REEP1: variants seen among roughly 807,000 people sequenced by gnomAD.
REEP1 encodes receptor expression-enhancing protein 1.
Under a neutral mutation model 40.3 loss-of-function variants are expected in REEP1, and 22 were observed. That is an observed-to-expected ratio of 0.55 (90% confidence interval 0.39 to 0.78). The LOEUF is 0.78. Among genes scored for constraint, REEP1 ranks in the 30% least tolerant of loss-of-function variants. The pLI is 0.00. For synonymous variants in REEP1, 116 were observed against 139.2 expected (o/e 0.83, Z 1.17); for missense variants, 280 against 361.1 (o/e 0.78, Z 1.82).
chr2:86,252,421 G>A (rs1014174834), intron 4 of REEP1, among the ~76,000 whole-genome samples: 1 of 152,176 alleles, frequency 6.6e-6, no homozygotes, highest in Non-Finnish European at 1.5e-5. Flanking sequence ...CCAGGGTGGA[G>A]AGAGTGCCCA....
At chr2:86,256,434 GC>G (rs1170824969) in intron 3 of REEP1, among the ~76,000 whole-genome samples, 2 of 151,024 alleles carry the variant, frequency 1.3e-5, no homozygotes, top group African/African-American at 4.9e-5. Flanking sequence ...TCCAGCCACT[GC>G]CTCTGATGGA....
At chr2:86,258,733 T>G (rs147740360) in intron 3 of REEP1, among the ~76,000 whole-genome samples, 1 of 152,194 alleles carries the variant, frequency 6.6e-6, no homozygotes, top group Non-Finnish European at 1.5e-5. Flanking sequence ...CCCTACTCAT[T>G]TTGTAATGAG....
chr2:86,272,864 A>G (rs978118373), intron 2 of REEP1, among the ~76,000 whole-genome samples: 2 of 152,066 alleles, frequency 1.3e-5, no homozygotes, highest in African/African-American at 4.8e-5. Flanking sequence ...GGCTCATGCC[A>G]GTAATCCCCG....
At chr2:86,295,038 T>TA (rs955797113) in intron 1 of REEP1, among the ~76,000 whole-genome samples, 21 of 151,088 alleles carry the variant, frequency 1.4e-4, no homozygotes, top group South Asian at 2.1e-4. Context: ...AAACCTATTT[T>TA]AAAAAAAAAG....
chr2:86,306,799 G>A lies in REEP1; in HGVS notation c.33-24557C>T, dbSNP rs1030741567. 3.2e-4 allele frequency among the ~76,000 whole-genome samples: 49 copies of A among 152,022 alleles called. 1 individual carries two copies. Among genetic ancestry groups the A allele is most frequent in the Admixed American group, 2.6e-3 (39 of 15,272 alleles). ...AGGCCTCACACTGCTGGTCCCCATG[G>A]TAGGGGGAATAAATCAGTACTCTGT... On this transcript the variant is annotated intron_variant, in intron 1 of 8. Coordinates refer to ENST00000538924, the MANE Select transcript of REEP1 (RefSeq NM_001371279.1).
chr2:86,331,972 G>A (rs1680787808), intron 1 of REEP1, among the ~76,000 whole-genome samples: 1 of 152,082 alleles, frequency 6.6e-6, no homozygotes, highest in Non-Finnish European at 1.5e-5. Flanking sequence ...CATGCTTGAA[G>A]GCCTATACCA....
intron 6 of REEP1, among the ~76,000 whole-genome samples, chr2:86,232,229 C>A (rs1675059036): frequency 6.6e-6 from 1 of 152,172 alleles, no homozygotes; most frequent in African/African-American, 2.4e-5. Flanking sequence ...GGTGAGAAGA[C>A]AACACTTAGG....
chr2:86,280,083 G>A (rs1431635509), intron 2 of REEP1: 7 of 454,618 alleles, frequency 1.5e-5, no homozygotes, highest in Non-Finnish European at 2.6e-5. Context: ...TGGGTGGGGC[G>A]TGGGTGTGGG....
At chr2:86,314,054 G>T (rs142943823) in intron 1 of REEP1, among the ~76,000 whole-genome samples, 1 of 152,314 alleles carries the variant, frequency 6.6e-6, no homozygotes, top group East Asian at 1.9e-4. Flanking sequence ...TTTGCAAACT[G>T]CCAAGTAGCA....
At chr2:86,263,378 C>T (rs887358074) in intron 3 of REEP1, among the ~76,000 whole-genome samples, 1 of 152,050 alleles carries the variant, frequency 6.6e-6, no homozygotes, top group Non-Finnish European at 1.5e-5. Flanking sequence ...TACAGGTGTG[C>T]ACCACCATGC....
chr2:86,264,111 A>T, intron 2 of REEP1, 70 bp from the exon 3 acceptor site: 1 of 1,227,122 alleles, frequency 8.1e-7, no homozygotes, highest in Non-Finnish European at 1.2e-6. Flanking sequence ...ACCAGGAAGA[A>T]CAGGCCCCGG....
chr2:86,333,422 T>C (rs1424733057), intron 1 of REEP1, among the ~76,000 whole-genome samples: 1 of 152,220 alleles, frequency 6.6e-6, no homozygotes, highest in Non-Finnish European at 1.5e-5. Context: ...TTCTAAAAAC[T>C]AGTATTTTTT....
intron 2 of REEP1, among the ~76,000 whole-genome samples, chr2:86,274,685 T>C (rs1285945615): frequency 1.3e-5 from 2 of 152,194 alleles, no homozygotes; most frequent in African/African-American, 4.8e-5. Context: ...GGGTGGGCCT[T>C]CAGTCAGAAT....
intron 2 of REEP1, among the ~76,000 whole-genome samples, chr2:86,273,509 C>T (rs1363030945): frequency 6.6e-6 from 1 of 151,996 alleles, no homozygotes; most frequent in Non-Finnish European, 1.5e-5. Flanking sequence ...TGGCCTTGAA[C>T]TCTTGAGCTC....
chr2:86,232,829 G>C (rs201665589), intron 5 of REEP1, 27 bp from the exon 6 acceptor site: 12 of 1,594,458 alleles, frequency 7.5e-6, no homozygotes, highest in Non-Finnish European at 9.3e-6. Flanking sequence ...AGGGGCACAC[G>C]TCAGAGGTCC....
chr2:86,249,740 C>T (rs568404303), intron 5 of REEP1, among the ~76,000 whole-genome samples: 2 of 152,184 alleles, frequency 1.3e-5, no homozygotes, highest in Admixed American at 6.5e-5. Flanking sequence ...CTATGGAAAC[C>T]ACTGATGTAC....
intron 1 of REEP1, among the ~76,000 whole-genome samples, chr2:86,333,593 T>C (rs1394213619): frequency 3.3e-5 from 5 of 152,240 alleles, no homozygotes; most frequent in African/African-American, 4.8e-5. Flanking sequence ...GCCAACATTC[T>C]GGGCCTTGGC....
intron 1 of REEP1, among the ~76,000 whole-genome samples, chr2:86,287,887 G>C (rs1250245746): frequency 1.3e-5 from 2 of 151,824 alleles, no homozygotes; most frequent in Admixed American, 6.6e-5. Context: ...GTTTATACCT[G>C]TTTACATCTT....
rs1273450857 is a variant in REEP1 at position 86,267,196 on chromosome 2, C to T, written c.106-3155G>A. Among the ~76,000 whole-genome samples, 3 of 152,074 alleles carry T rather than the reference C, an allele frequency of 2.0e-5. No homozygotes were observed. The South Asian group carries it at 6.2e-4, about 32-fold the overall frequency. ...TCAAATTGTAATCCAATTTTAATCCCCACATGTCAGAGGAGGGACTTGGTG... is the reference window on the plus strand; with the variant it reads ...TCAAATTGTAATCCAATTTTAATCCTCACATGTCAGAGGAGGGACTTGGTG... On this transcript the variant is annotated intron_variant, in intron 2 of 8. Transcript: ENST00000538924.
Sources: gnomAD v4.1 joint callset for allele counts (sites outside exome capture counted in the v4.1 genomes callset) on GRCh38, gnomAD v4.1.1 for gene constraint, MANE v1.5 for transcripts, NCBI Gene and HGNC (gene_info 2026-07-23, HGNC 2026-07-21) for gene names.